Variants in FAM98A observed in about 807,000 individuals in gnomAD.
FAM98A encodes the protein tRNA splicing ligase complex subunit 3A, also known as protein FAM98A.
Under a neutral mutation model 62.9 loss-of-function variants are expected in FAM98A, and 25 were observed. That is an observed-to-expected ratio of 0.40 (90% CI 0.29 to 0.56). FAM98A has a LOEUF of 0.56. Ranked by LOEUF, FAM98A falls within the 20% of genes least tolerant of loss-of-function variation. The pLI is 0.51. For missense variants in FAM98A, 653 were observed against 640.7 expected, an observed-to-expected ratio of 1.02 and a Z score of -0.21; for synonymous variants, 252 against 228.6, an observed-to-expected ratio of 1.10 and a Z score of -0.92.
chr2:33,598,537 C>A (rs1390115008), intron 1 of FAM98A, among the ~76,000 whole-genome samples: 1 of 152,164 alleles, frequency 6.6e-6, no homozygotes, highest in East Asian at 1.9e-4. Context: ...GAAGACGACC[C>A]TGGTCTAATG....
intron 6 of FAM98A, among the ~76,000 whole-genome samples, chr2:33,585,940 G>C (rs1012824887): frequency 6.6e-6 from 1 of 152,196 alleles, no homozygotes; most frequent in Non-Finnish European, 1.5e-5. Context: ...GGTGGAGTGA[G>C]AGGGTGCCCC....
At chr2:33,592,441 C>G (rs1414190479) in intron 2 of FAM98A, among the ~76,000 whole-genome samples, 1 of 152,018 alleles carries the variant, frequency 6.6e-6, no homozygotes, top group Non-Finnish European at 1.5e-5. Context: ...TCAGGGCTTA[C>G]TGTAACCTCA....
chr2:33,593,037 T>C (rs1677709786), intron 2 of FAM98A, among the ~76,000 whole-genome samples: 1 of 152,206 alleles, frequency 6.6e-6, no homozygotes, highest in Non-Finnish European at 1.5e-5. Flanking sequence ...ACCTTCCTTG[T>C]ACTTGGCTGA....
chr2:33,586,981 C>T lies in FAM98A; in HGVS notation c.603+259G>A. The T allele has an allele frequency of 5.7e-6, 3 of 522,468 alleles. No individual in the cohort carries two copies. The South Asian group carries it at 9.1e-5, about 16-fold the overall frequency. 32.4% of individuals were successfully genotyped at this position (522,468 alleles called of 1,614,324 possible). On this transcript the variant is annotated intron_variant, in intron 5 of 7. Coordinates refer to ENST00000238823, the MANE Select transcript of FAM98A (RefSeq NM_015475.5). The stretch of plus-strand genomic sequence containing the variant: ...AGGCAATCCATTTGGCAACGAGAAA[C>T]ATGCACCATACTTAATTTCAGTTTA...
At chr2:33,586,514 G>T in intron 6 of FAM98A, 48 bp downstream of exon 6, 2 of 1,230,368 alleles carry the variant, frequency 1.6e-6, no homozygotes, top group Non-Finnish European at 2.4e-6. Context: ...AGATGTTCAG[G>T]GATCATGTCT....
intron 6 of FAM98A, 49 bp from the exon 7 acceptor site, chr2:33,585,746 A>G (rs771468473): frequency 1.5e-5 from 23 of 1,524,550 alleles, no homozygotes; most frequent in Admixed American, 9.1e-5. Flanking sequence ...TCAAAATGAC[A>G]TAAGAAACAC....
chr2:33,588,282 C>G, intron 4 of FAM98A, 53 bp downstream of exon 4: 2 of 1,345,652 alleles, frequency 1.5e-6, no homozygotes, highest in South Asian at 1.3e-5. Flanking sequence ...TCATTTCAAA[C>G]AAATGTAGGA....
rs534910594 is a variant in FAM98A at position 33,597,594 on chromosome 2, G to GA, written c.53+1574dup. Among the ~76,000 whole-genome samples, 202 of 150,148 alleles carry GA rather than the reference G, an allele frequency of 1.3e-3. 1 individual carries two copies. Among genetic ancestry groups the GA allele is most frequent in the African/African-American group, 4.6e-3 (188 of 40,992 alleles). The stretch of plus-strand genomic sequence containing the variant: ...AATAAAAAGTTAAAAAAAGGAGGGG[G>GA]AAAAAAAAAGACAATAATGGGAAGA... On this transcript the variant is annotated intron_variant, in intron 1 of 7. Transcript: ENST00000238823.
chr2:33,584,592 G>T lies in FAM98A; in HGVS notation c.*184C>A. 1.8e-6 allele frequency: 1 copy of T among 547,506 alleles called. No homozygotes were observed. The highest frequency in any genetic ancestry group is 3.2e-6 in the Non-Finnish European group (1 of 315,384). 33.9% of individuals were successfully genotyped at this position (547,506 alleles called of 1,614,324 possible). ...GATGTTATGTGTTTCTCAAATAAACGGCATTATGTAAGTCCAATAAAAAAA... is the reference window on the plus strand; with the variant it reads ...GATGTTATGTGTTTCTCAAATAAACTGCATTATGTAAGTCCAATAAAAAAA... On this transcript the variant is annotated 3_prime_UTR_variant, in exon 8 of 8. Coordinates refer to ENST00000238823, the MANE Select transcript of FAM98A (RefSeq NM_015475.5).
intron 2 of FAM98A, 48 bp downstream of exon 2, chr2:33,595,441 C>A: frequency 2.0e-6 from 3 of 1,501,502 alleles, no homozygotes; most frequent in South Asian, 2.5e-5. Flanking sequence ...TTGACAATAC[C>A]TCAATGTTAT....
In FAM98A at chr2:33,590,222, C is replaced by T. The variant is rs74458382; in HGVS notation, c.338-1703G>A. Among the ~76,000 whole-genome samples, 1,161 of 152,210 alleles carry T rather than the reference C, an allele frequency of 7.6e-3. 3 individuals are homozygous for T. Among genetic ancestry groups the T allele is most frequent in the Non-Finnish European group, 0.013 (864 of 67,980 alleles). On this transcript the variant is annotated intron_variant, in intron 3 of 7. Coordinates refer to ENST00000238823, the MANE Select transcript of FAM98A (RefSeq NM_015475.5). The stretch of plus-strand genomic sequence containing the variant: ...ACTTAATTTACGTAAGGGCAACACT[C>T]TGAGAACCATAAAAGGCCAATGAAG...
At chr2:33,592,665 T>C (rs1405387082) in intron 2 of FAM98A, among the ~76,000 whole-genome samples, 1 of 152,202 alleles carries the variant, frequency 6.6e-6, no homozygotes, top group Non-Finnish European at 1.5e-5. Flanking sequence ...GAGCCACTGC[T>C]CCCAATCTAA....
intron 4 of FAM98A, 43 bp from the exon 5 acceptor site, chr2:33,587,363 A>C: frequency 7.2e-7 from 1 of 1,388,830 alleles, no homozygotes; most frequent in East Asian, 2.3e-5. Flanking sequence ...CTCTAAAAGT[A>C]AAACATCCTC....
intron 3 of FAM98A, among the ~76,000 whole-genome samples, chr2:33,591,521 A>G (rs1471312489): frequency 6.6e-6 from 1 of 152,220 alleles, no homozygotes; most frequent in African/African-American, 2.4e-5. Context: ...ATAAAAACTC[A>G]TTTCTCAGAA....
At position 33,585,211 on chromosome 2, in the gene FAM98A, T is replaced by G. The variant is rs764113619; in HGVS notation, c.1122A>C (p.Gly374=). 1.5e-5 allele frequency: 24 copies of G among 1,613,674 alleles called. No homozygotes were observed. The highest frequency in any genetic ancestry group is 1.2e-4 in the South Asian group (11 of 91,048). ...GGYDHGGRGG[G]RGNKHQGGWT... is the part of the protein sequence containing the mutation. ...AGCCTCCTTGATGCTTATTTCCTCTTCCTCCCCCTCGGCCACCATGGTCAT... is the reference window on the plus strand; with the variant it reads ...AGCCTCCTTGATGCTTATTTCCTCTGCCTCCCCCTCGGCCACCATGGTCAT... Residue 374 remains glycine (G), a synonymous_variant, in exon 8 of 8, where the codon GGA becomes GGC. Transcript: ENST00000238823.
In FAM98A at chr2:33,595,537, C is replaced by G; in HGVS notation, c.154G>C (p.Glu52Gln). 1 of 1,609,838 alleles carries G rather than the reference C, an allele frequency of 6.2e-7. No homozygotes were observed. The change falls in exon 2 of 8, where the codon GAA becomes CAA. Residue 52 changes from glutamate (E) to glutamine (Q), a missense_variant. By Grantham distance (29) the Glu-to-Gln change is conservative. Coordinates refer to ENST00000238823, the MANE Select transcript of FAM98A (RefSeq NM_015475.5). ...FTKLCAWLVS[E>Q]LRVLCKLEEN... ...TCTAGTTTACAGAGCACTCTTAATT[C>G]AGACACCAGCCAAGCACAGAGTTTG...
rs997993242 is a variant in FAM98A, at chr2:33,588,572, A to T, written c.338-53T>A. 2.7e-6 allele frequency: 4 copies of T among 1,486,428 alleles called. No homozygotes were observed. In the African/African-American group the frequency reaches 5.5e-5, roughly 21 times the overall value. 92.1% of individuals were successfully genotyped at this position (1,486,428 alleles called of 1,614,324 possible). ...ATGAGATACAGCTATAGTTATAGTC[A>T]TAAGTCTGGAGTCACAACTATATAG... On this transcript the variant is annotated intron_variant, in intron 3 of 7. Coordinates refer to ENST00000238823, the MANE Select transcript of FAM98A (RefSeq NM_015475.5).
chr2:33,586,097 G>A (rs1397719670), intron 6 of FAM98A, among the ~76,000 whole-genome samples: 3 of 152,030 alleles, frequency 2.0e-5, no homozygotes, highest in Admixed American at 6.6e-5. Context: ...GTTTCTATGA[G>A]GTAATAACTA....
At chr2:33,594,777 G>A (rs1165834465) in intron 2 of FAM98A, among the ~76,000 whole-genome samples, 2 of 151,414 alleles carry the variant, frequency 1.3e-5, no homozygotes, top group African/African-American at 4.9e-5. Context: ...GGAAAAAAAG[G>A]AATTATATGT....
Sources: gnomAD v4.1 joint callset for allele counts (sites outside exome capture counted in the v4.1 genomes callset) on GRCh38, gnomAD v4.1.1 for gene constraint, MANE v1.5 for transcripts, NCBI Gene and HGNC (gene_info 2026-07-23, HGNC 2026-07-21) for gene names.